The following TDRP variants were observed in gnomAD, a reference collection of about 807,000 sequenced individuals.
TDRP encodes the protein testis development-related protein.
A neutral mutation model predicts 10.5 loss-of-function variants in TDRP; 12 were observed. The ratio of observed to expected loss-of-function variants is 1.15; its 90% CI spans 0.73 to 1.86. The LOEUF is 1.86. Among genes scored for constraint, TDRP ranks in the 40% most tolerant of loss-of-function variants. The probability of loss-of-function intolerance (pLI) is 0.00; values close to 1 mark genes in which losing one functional copy is unlikely to be tolerated. For synonymous variants in TDRP, 139 were observed against 95.4 expected (o/e 1.46, Z -2.67); for missense variants, 353 against 229.2 (o/e 1.54, Z -3.49).
intron 1 of TDRP, among the ~76,000 whole-genome samples, chr8:513,447 C>T (rs952223095): frequency 1.1e-4 from 16 of 151,992 alleles, no homozygotes; most frequent in Admixed American, 5.9e-4. Flanking sequence ...TTGGCAAAAT[C>T]CAATACTCTT....
intron 1 of TDRP, among the ~76,000 whole-genome samples, chr8:503,891 G>GT (rs1403242625): frequency 1.5e-5 from 2 of 136,330 alleles, no homozygotes; most frequent in Non-Finnish European, 3.1e-5. Flanking sequence ...GCCACACAAG[G>GT]GTAACCCACC....
chr8:527,174 C>A (rs949940007), intron 1 of TDRP, among the ~76,000 whole-genome samples: 2 of 151,534 alleles, frequency 1.3e-5, no homozygotes, highest in African/African-American at 4.8e-5. Context: ...TAAAAAAGTA[C>A]AAAAAAAATT....
intron 1 of TDRP, among the ~76,000 whole-genome samples, chr8:521,359 G>A (rs969296893): frequency 3.3e-5 from 5 of 151,858 alleles, no homozygotes; most frequent in African/African-American, 1.2e-4. Flanking sequence ...GGGGCTTACA[G>A]TGAGCCGAGC....
In TDRP at chr8:497,571, A is replaced by T. The variant is rs1010418860; in HGVS notation, c.109-2974T>A. Among the ~76,000 whole-genome samples the T allele has an allele frequency of 2.6e-5, 4 of 152,200 alleles. No individual in the cohort carries two copies. In the South Asian group the frequency reaches 6.2e-4, roughly 24 times the overall value. ...GGCAAGCAGAGCATACAAGTTTGGA[A>T]AATTTGCAGCCTGACCCTGCAAATG... On this transcript the variant is annotated intron_variant, in intron 1 of 2. Coordinates refer to ENST00000324079, the MANE Select transcript of TDRP (RefSeq NM_001384899.1).
chr8:531,658 A>G (rs995051900), intron 1 of TDRP, among the ~76,000 whole-genome samples: 1 of 152,238 alleles, frequency 6.6e-6, no homozygotes, highest in Non-Finnish European at 1.5e-5. Context: ...TTCTTGGCAC[A>G]ACTTCTTTCC....
chr8:498,224 C>T (rs1239532276), intron 1 of TDRP, among the ~76,000 whole-genome samples: 1 of 152,198 alleles, frequency 6.6e-6, no homozygotes, highest in Non-Finnish European at 1.5e-5. Context: ...AAGCCACAGG[C>T]ACTCAATGCC....
At chr8:518,182 T>A (rs1382945344) in intron 1 of TDRP, among the ~76,000 whole-genome samples, 1 of 152,128 alleles carries the variant, frequency 6.6e-6, no homozygotes, top group Non-Finnish European at 1.5e-5. Flanking sequence ...TGGAGAGGGA[T>A]GTTGGTAGCA....
chr8:522,610 G>T (rs976731043), intron 1 of TDRP, among the ~76,000 whole-genome samples: 1 of 152,118 alleles, frequency 6.6e-6, no homozygotes, highest in Non-Finnish European at 1.5e-5. Context: ...GCTTTGCCCC[G>T]CACAGATCTC....
chr8:500,351 A>G (rs1415845565), intron 1 of TDRP, among the ~76,000 whole-genome samples: 1 of 152,222 alleles, frequency 6.6e-6, no homozygotes, highest in Non-Finnish European at 1.5e-5. Flanking sequence ...TCTGGCTGGC[A>G]TTGAATACAC....
At chr8:501,893 T>C (rs35161507) in intron 1 of TDRP, among the ~76,000 whole-genome samples, 35,150 of 152,128 alleles carry the variant, frequency 0.23, 4,232 homozygotes, top group East Asian at 0.27. Context: ...TGGAAGGAGC[T>C]GTGCATGACC....
intron 1 of TDRP, among the ~76,000 whole-genome samples, chr8:532,603 C>T (rs1802236949): frequency 6.6e-6 from 1 of 152,204 alleles, no homozygotes; most frequent in Non-Finnish European, 1.5e-5. Context: ...TGCACACTTG[C>T]TAATACAATG....
intron 1 of TDRP, among the ~76,000 whole-genome samples, chr8:497,365 G>A (rs968896855): frequency 1.3e-5 from 2 of 152,198 alleles, no homozygotes; most frequent in African/African-American, 2.4e-5. Flanking sequence ...GAGACTGGTG[G>A]CATTTTGCCC....
At chr8:527,310 G>A (rs561399392) in intron 1 of TDRP, among the ~76,000 whole-genome samples, 1 of 152,062 alleles carries the variant, frequency 6.6e-6, no homozygotes, top group Non-Finnish European at 1.5e-5. Context: ...TGGACTGGAA[G>A]AGTCACTATT....
chr8:501,136 G>A (rs572383427), intron 1 of TDRP, among the ~76,000 whole-genome samples: 4 of 151,760 alleles, frequency 2.6e-5, no homozygotes, highest in African/African-American at 9.7e-5. Context: ...ACCCGAGGAG[G>A]TGGAGCTTGC....
At chr8:522,808 A>T (rs1182318897) in intron 1 of TDRP, among the ~76,000 whole-genome samples, 2 of 152,108 alleles carry the variant, frequency 1.3e-5, no homozygotes, top group Non-Finnish European at 2.9e-5. Context: ...ACAGTTTTTG[A>T]CTTTTATCCG....
chr8:519,799 A>C (rs1002714725), intron 1 of TDRP, among the ~76,000 whole-genome samples: 6 of 152,206 alleles, frequency 3.9e-5, no homozygotes, highest in Non-Finnish European at 8.8e-5. Flanking sequence ...AGGCATTGTC[A>C]AGTGGTATGT....
chr8:528,959 C>T (rs187173501), intron 1 of TDRP, among the ~76,000 whole-genome samples: 3 of 152,188 alleles, frequency 2.0e-5, no homozygotes, highest in African/African-American at 7.2e-5. Context: ...GTCCGAGTCC[C>T]AAAACTGAAG....
At chr8:503,819 G>C (rs1340828545) in intron 1 of TDRP, among the ~76,000 whole-genome samples, 2 of 141,916 alleles carry the variant, frequency 1.4e-5, no homozygotes, top group Non-Finnish European at 3.2e-5. Flanking sequence ...CGTCAATATG[G>C]AATCAAGAGC....
At chr8:517,179 C>T (rs959093096) in intron 1 of TDRP, among the ~76,000 whole-genome samples, 1 of 152,166 alleles carries the variant, frequency 6.6e-6, no homozygotes, top group African/African-American at 2.4e-5. Context: ...GGACTCTTTG[C>T]ATCAGTGAGA....
Sources: gnomAD v4.1 joint callset for allele counts (sites outside exome capture counted in the v4.1 genomes callset) on GRCh38, gnomAD v4.1.1 for gene constraint, MANE v1.5 for transcripts, NCBI Gene and HGNC (gene_info 2026-07-23, HGNC 2026-07-21) for gene names.